The following KCNH7 variants were observed in gnomAD, a reference collection of about 807,000 sequenced individuals.
KCNH7 encodes potassium voltage-gated channel subfamily H member 7, also known as voltage-gated inwardly rectifying potassium channel KCNH7.
A neutral mutation model predicts 120.8 loss-of-function variants in KCNH7; 49 were observed. The ratio of observed to expected loss-of-function variants is 0.41; its 90% CI spans 0.32 to 0.51. The LOEUF (loss-of-function observed/expected upper bound fraction) is 0.51. Among genes scored for constraint, KCNH7 ranks in the 20% least tolerant of loss-of-function variants. The pLI is 0.38. For missense variants in KCNH7, 1,097 were observed against 1,446.6 expected, an observed-to-expected ratio of 0.76 and a Z score of 3.92; for synonymous variants, 547 against 516.1, an observed-to-expected ratio of 1.06 and a Z score of -0.81.
intron 6 of KCNH7, among the ~76,000 whole-genome samples, chr2:162,495,982 C>T (rs1690484151): frequency 6.6e-6 from 1 of 152,118 alleles, no homozygotes; most frequent in Non-Finnish European, 1.5e-5. Context: ...TGTCCTTACT[C>T]CCTTGATTCA....
At chr2:162,642,905 C>T (rs1224194928) in intron 2 of KCNH7, among the ~76,000 whole-genome samples, 1 of 152,138 alleles carries the variant, frequency 6.6e-6, no homozygotes, top group African/African-American at 2.4e-5. Context: ...TAAGCTGAAA[C>T]AGTTTAACCA....
intron 2 of KCNH7, among the ~76,000 whole-genome samples, chr2:162,825,334 T>C (rs929247369): frequency 1.2e-4 from 18 of 151,964 alleles, no homozygotes; most frequent in Admixed American, 4.6e-4. Context: ...ACATGTGTTT[T>C]TCAATAAAAT....
At position 162,829,849 on chromosome 2, in the gene KCNH7, GT is replaced by G. The variant is rs5835923; in HGVS notation, c.307+6687del. Among the ~76,000 whole-genome samples, 502 of 136,120 alleles carry G rather than the reference GT, an allele frequency of 3.7e-3. 6 individuals carry two copies. Among genetic ancestry groups the G allele is most frequent in the African/African-American group, 0.012 (421 of 36,502 alleles). The allele number at this position is 136,120 out of a possible 152,430, so 89.3% of individuals were successfully genotyped here. ...CCCCCAGATCTTGTTAACTTTATCT[GT>G]TTTTTTTTTTTTTCTAACTGCATGG... On this transcript the variant is annotated intron_variant, in intron 2 of 15. Coordinates refer to ENST00000332142, the MANE Select transcript of KCNH7 (RefSeq NM_033272.4).
intron 6 of KCNH7, among the ~76,000 whole-genome samples, chr2:162,493,218 G>A (rs1690382560): frequency 6.6e-6 from 1 of 151,992 alleles, no homozygotes; most frequent in South Asian, 2.1e-4. Context: ...TTAGGAGATA[G>A]GCAAATGAAA....
chr2:162,527,264 G>A (rs1691740702), intron 3 of KCNH7, among the ~76,000 whole-genome samples: 1 of 151,902 alleles, frequency 6.6e-6, no homozygotes, highest in Admixed American at 6.6e-5. Context: ...CATGAGAATA[G>A]TAAACATTAG....
In KCNH7 at chr2:162,394,466, T is replaced by C. The variant is rs766096193; in HGVS notation, c.2633A>G (p.Gln878Arg). 2 of 1,603,978 alleles carry C rather than the reference T, an allele frequency of 1.2e-6. No homozygotes were observed. Among genetic ancestry groups the C allele is most frequent in the South Asian group, 2.2e-5 (2 of 90,682 alleles). ...GTCTCCTTCTGAATCATTCATGGAT[T>C]GTGATCGTAGGAGATCAGCCTTTGT... ...ESAKADLLRS[Q>R]SMNDSEGDNC... Residue 878 changes from glutamine (Q) to arginine (R), a missense_variant, in exon 12 of 16, where the codon CAA (glutamine) becomes CGA (arginine). Physicochemically the swap from Gln to Arg is conservative, Grantham distance 43. Coordinates refer to ENST00000332142, the MANE Select transcript of KCNH7 (RefSeq NM_033272.4).
At chr2:162,662,752 T>C (rs1410618857) in intron 2 of KCNH7, among the ~76,000 whole-genome samples, 1 of 152,198 alleles carries the variant, frequency 6.6e-6, no homozygotes, top group Non-Finnish European at 1.5e-5. Context: ...TGGTTTCACC[T>C]AAAAGTGTAT....
intron 2 of KCNH7, among the ~76,000 whole-genome samples, chr2:162,591,213 TACC>T (rs761804750): frequency 7.7e-4 from 117 of 152,252 alleles, no homozygotes; most frequent in Middle Eastern, 6.8e-3. Context: ...TTATTATCTA[TACC>T]ACATTTCTTT....
chr2:162,638,265 T>C (rs1295786253), intron 2 of KCNH7, among the ~76,000 whole-genome samples: 4 of 152,086 alleles, frequency 2.6e-5, no homozygotes, highest in Admixed American at 6.6e-5. Flanking sequence ...CTGCCTTATA[T>C]TGGTGCCCTT....
intron 2 of KCNH7, among the ~76,000 whole-genome samples, chr2:162,709,405 C>T (rs773302063): frequency 2.6e-5 from 4 of 152,050 alleles, no homozygotes; most frequent in Non-Finnish European, 5.9e-5. Flanking sequence ...CCAAACTTCT[C>T]AATCCAGTGG....
At chr2:162,474,640 TTCTG>T (rs1406468273) in intron 6 of KCNH7, among the ~76,000 whole-genome samples, 1 of 152,228 alleles carries the variant, frequency 6.6e-6, no homozygotes, top group African/African-American at 2.4e-5. Flanking sequence ...AGGCTGTGGC[TTCTG>T]TCTGTGTGCA....
chr2:162,562,301 G>T (rs1693100744), intron 2 of KCNH7, among the ~76,000 whole-genome samples: 1 of 152,140 alleles, frequency 6.6e-6, no homozygotes, highest in Non-Finnish European at 1.5e-5. Flanking sequence ...TAATATGAAT[G>T]ATTTTTATTA....
At chr2:162,557,329 G>A (rs780551340) in intron 2 of KCNH7, among the ~76,000 whole-genome samples, 7 of 152,122 alleles carry the variant, frequency 4.6e-5, no homozygotes, top group Non-Finnish European at 7.4e-5. Flanking sequence ...AAAAATGGGC[G>A]TTCAATTGCA....
chr2:162,615,132 G>T (rs1192421174), intron 2 of KCNH7, among the ~76,000 whole-genome samples: 1 of 152,086 alleles, frequency 6.6e-6, no homozygotes, highest in Non-Finnish European at 1.5e-5. Flanking sequence ...ATCACTTGTG[G>T]TTTTCATTCA....
At chr2:162,405,791 T>C (rs567633947) in intron 9 of KCNH7, among the ~76,000 whole-genome samples, 2 of 152,102 alleles carry the variant, frequency 1.3e-5, no homozygotes, top group East Asian at 1.9e-4. Context: ...AAAATAATTA[T>C]AGTATCTATT....
intron 2 of KCNH7, among the ~76,000 whole-genome samples, chr2:162,555,917 G>A (rs1276608627): frequency 6.6e-6 from 1 of 151,866 alleles, no homozygotes; most frequent in African/African-American, 2.4e-5. Context: ...GTTAATTTCA[G>A]TGTTTTATAC....
At chr2:162,776,082 A>G (rs1683224779) in intron 2 of KCNH7, among the ~76,000 whole-genome samples, 1 of 152,226 alleles carries the variant, frequency 6.6e-6, no homozygotes, top group Non-Finnish European at 1.5e-5. Context: ...TAAAGTATGA[A>G]AAGAGTACAC....
intron 14 of KCNH7, among the ~76,000 whole-genome samples, chr2:162,378,599 C>G (rs1686297061): frequency 6.6e-6 from 1 of 152,170 alleles, no homozygotes; most frequent in African/African-American, 2.4e-5. Context: ...AGTAACCTGC[C>G]AGGCATATCA....
chr2:162,418,131 T>C (rs910898731), intron 9 of KCNH7, among the ~76,000 whole-genome samples: 1 of 152,172 alleles, frequency 6.6e-6, no homozygotes, highest in Non-Finnish European at 1.5e-5. Flanking sequence ...GATGACAACA[T>C]CTTTTCAAGT....
Sources: gnomAD v4.1 joint callset for allele counts (sites outside exome capture counted in the v4.1 genomes callset) on GRCh38, gnomAD v4.1.1 for gene constraint, MANE v1.5 for transcripts, NCBI Gene and HGNC (gene_info 2026-07-23, HGNC 2026-07-21) for gene names.